The following DLGAP1 variants were observed in gnomAD, a reference collection of about 807,000 sequenced individuals.
The protein encoded by DLGAP1 is DLG associated protein 1.
In DLGAP1, 11 loss-of-function variants were observed where a neutral mutation model predicts 90.8. The ratio of observed to expected loss-of-function variants is 0.12; its 90% CI spans 0.08 to 0.20. The LOEUF is 0.20. Ranked by LOEUF, DLGAP1 falls within the 10% of genes least tolerant of loss-of-function variation. DLGAP1 has a pLI of 1.00. For missense variants in DLGAP1, 1,050 were observed against 1,333.8 expected (o/e 0.79, Z 3.31); for synonymous variants, 558 against 540.7 (o/e 1.03, Z -0.44).
At chr18:3,694,039 C>A (rs111862157) in intron 7 of DLGAP1, among the ~76,000 whole-genome samples, 1 of 147,718 alleles carries the variant, frequency 6.8e-6, no homozygotes, top group Admixed American at 6.7e-5. Flanking sequence ...TAGCCACCCC[C>A]CCCTCAGCCC....
At chr18:4,220,653 TAA>T (rs935404522) in intron 1 of DLGAP1, among the ~76,000 whole-genome samples, 3 of 152,162 alleles carry the variant, frequency 2.0e-5, no homozygotes, top group African/African-American at 7.2e-5. Context: ...ATTGACATGG[TAA>T]ATTTCTTATG....
intron 1 of DLGAP1, among the ~76,000 whole-genome samples, chr18:4,402,011 C>G (rs1167109811): frequency 6.6e-6 from 1 of 152,212 alleles, no homozygotes; most frequent in Non-Finnish European, 1.5e-5. Flanking sequence ...AAGCACCACA[C>G]TGAGGGGACA....
At chr18:4,121,348 G>T (rs963961309) in intron 2 of DLGAP1, among the ~76,000 whole-genome samples, 5 of 152,074 alleles carry the variant, frequency 3.3e-5, no homozygotes, top group African/African-American at 1.2e-4. Context: ...AGCATCTTTG[G>T]TTGGCCAGAC....
At chr18:3,547,841 C>T (rs68114539) in intron 9 of DLGAP1, among the ~76,000 whole-genome samples, 64,728 of 151,940 alleles carry the variant, frequency 0.43, 16,171 homozygotes, top group African/African-American at 0.7. Context: ...TTTTAAAAAC[C>T]CAAATATCCA....
chr18:3,956,363 T>G (rs1431411899), intron 3 of DLGAP1, among the ~76,000 whole-genome samples: 1 of 152,212 alleles, frequency 6.6e-6, no homozygotes, highest in Non-Finnish European at 1.5e-5. Flanking sequence ...TTTTCCTTTT[T>G]TTTTGAGACG....
At chr18:3,584,062 AT>A (rs2055731715) in intron 7 of DLGAP1, among the ~76,000 whole-genome samples, 1 of 152,110 alleles carries the variant, frequency 6.6e-6, no homozygotes, top group Admixed American at 6.6e-5. Flanking sequence ...CCCTCTAGCC[AT>A]TTGATTACAA....
intron 1 of DLGAP1, among the ~76,000 whole-genome samples, chr18:4,327,398 A>G (rs1340178717): frequency 6.6e-6 from 1 of 152,064 alleles, no homozygotes; most frequent in Non-Finnish European, 1.5e-5. Flanking sequence ...ATACTTGCTC[A>G]ATGTTTTTCA....
intron 12 of DLGAP1, chr18:3,502,233 T>TA (rs2049977475): frequency 7.4e-7 from 1 of 1,344,228 alleles, no homozygotes; most frequent in Non-Finnish European, 9.5e-7. Context: ...TGGTTTAACT[T>TA]AAAGTTTAAT....
At chr18:4,396,762 C>T (rs912129596) in intron 1 of DLGAP1, among the ~76,000 whole-genome samples, 4 of 152,158 alleles carry the variant, frequency 2.6e-5, no homozygotes, top group Non-Finnish European at 4.4e-5. Context: ...GGATGAGTCT[C>T]CCAGACAGAT....
intron 7 of DLGAP1, among the ~76,000 whole-genome samples, chr18:3,594,932 G>T (rs988988812): frequency 3.9e-5 from 6 of 152,200 alleles, no homozygotes; most frequent in Admixed American, 2.0e-4. Context: ...CTTCCAGTTA[G>T]CCTATTTGCA....
intron 3 of DLGAP1, among the ~76,000 whole-genome samples, chr18:3,949,141 C>T (rs2072932940): frequency 6.6e-6 from 1 of 152,164 alleles, no homozygotes; most frequent in African/African-American, 2.4e-5. Context: ...TTCAGCAATA[C>T]TTTGCTGGCT....
chr18:3,785,056 A>G (rs1363146129), intron 5 of DLGAP1, among the ~76,000 whole-genome samples: 2 of 152,138 alleles, frequency 1.3e-5, no homozygotes, highest in Admixed American at 6.5e-5. Context: ...TTCCCTTCTC[A>G]TATGTTTTTA....
chr18:3,688,576 T>C (rs2060782181), intron 7 of DLGAP1, among the ~76,000 whole-genome samples: 2 of 151,802 alleles, frequency 1.3e-5, no homozygotes, highest in African/African-American at 4.8e-5. Context: ...TTTGCTTTTT[T>C]CCCATCAGTT....
At chr18:3,838,471 A>T (rs1340163463) in intron 4 of DLGAP1, among the ~76,000 whole-genome samples, 2 of 152,246 alleles carry the variant, frequency 1.3e-5, no homozygotes, top group African/African-American at 2.4e-5. Flanking sequence ...TCAAAACTAC[A>T]TGCTTAAAAG....
chr18:3,766,637 A>G (rs1261945249), intron 5 of DLGAP1, among the ~76,000 whole-genome samples: 1 of 152,168 alleles, frequency 6.6e-6, no homozygotes, highest in South Asian at 2.1e-4. Flanking sequence ...CTACAACCAC[A>G]ATGACATCAA....
chr18:4,397,065 C>T (rs1160559016), intron 1 of DLGAP1, among the ~76,000 whole-genome samples: 1 of 152,196 alleles, frequency 6.6e-6, no homozygotes, highest in Non-Finnish European at 1.5e-5. Flanking sequence ...GCAACCAAGG[C>T]AGGGTGTTTA....
intron 2 of DLGAP1, among the ~76,000 whole-genome samples, chr18:4,128,405 T>C (rs1185003494): frequency 6.6e-6 from 1 of 152,166 alleles, no homozygotes; most frequent in Non-Finnish European, 1.5e-5. Context: ...TCCAAGGCCA[T>C]GCTTGTTGCC....
chr18:4,058,144 A>C (rs905650526), intron 2 of DLGAP1, among the ~76,000 whole-genome samples: 1 of 152,150 alleles, frequency 6.6e-6, no homozygotes, highest in African/African-American at 2.4e-5. Flanking sequence ...GCTCTTTCCC[A>C]AAAACCCACA....
intron 7 of DLGAP1, chr18:3,654,941 A>G (rs1034720340): frequency 1.1e-4 from 16 of 152,176 alleles, no homozygotes; most frequent in African/African-American, 3.9e-4. Flanking sequence ...GTTTTGTAAA[A>G]TGTAATGGTA....
Sources: gnomAD v4.1 joint callset for allele counts (sites outside exome capture counted in the v4.1 genomes callset) on GRCh38, gnomAD v4.1.1 for gene constraint, MANE v1.5 for transcripts, NCBI Gene and HGNC (gene_info 2026-07-23, HGNC 2026-07-21) for gene names.